The following PLEKHA7 variants were observed in gnomAD, a reference collection of about 807,000 sequenced individuals.
PLEKHA7 encodes pleckstrin homology domain-containing family A member 7.
In PLEKHA7, 104 loss-of-function variants were observed where a neutral mutation model predicts 170.0. The ratio of observed to expected loss-of-function variants is 0.61; its 90% CI spans 0.52 to 0.72. PLEKHA7 has a LOEUF of 0.72. Ranked by LOEUF, PLEKHA7 falls within the 30% of genes least tolerant of loss-of-function variation. The pLI is 0.00. For missense variants in PLEKHA7, 1,615 were observed against 1,671.7 expected (o/e 0.97, Z 0.59); for synonymous variants, 648 against 660.8 (o/e 0.98, Z 0.30).
intron 3 of PLEKHA7, among the ~76,000 whole-genome samples, chr11:16,892,420 G>GTTTTGTTT (rs1280825111): frequency 1.3e-5 from 1 of 78,776 alleles, no homozygotes; most frequent in Non-Finnish European, 3.3e-5. Flanking sequence ...GTGTGTGTGT[G>GTTTTGTTT]TGTGTGTGTG....
At chr11:16,866,954 AG>A (rs1439830050) in intron 4 of PLEKHA7, among the ~76,000 whole-genome samples, 1 of 152,218 alleles carries the variant, frequency 6.6e-6, no homozygotes, top group Non-Finnish European at 1.5e-5. Flanking sequence ...ATAATGCCCT[AG>A]GAGAAGTCAC....
At chr11:16,981,309 C>A (rs1450061207) in intron 3 of PLEKHA7, among the ~76,000 whole-genome samples, 1 of 152,152 alleles carries the variant, frequency 6.6e-6, no homozygotes, top group Non-Finnish European at 1.5e-5. Context: ...CGAGTAGACA[C>A]TAGTATTATC....
chr11:16,888,396 G>A (rs902207209), intron 3 of PLEKHA7, among the ~76,000 whole-genome samples: 59 of 152,364 alleles, frequency 3.9e-4, no homozygotes, highest in Non-Finnish European at 7.1e-4. Flanking sequence ...GTTTTGTTGA[G>A]TAGACGGGGG....
At chr11:16,839,383 T>C (rs1025018637) in intron 9 of PLEKHA7, among the ~76,000 whole-genome samples, 2 of 150,814 alleles carry the variant, frequency 1.3e-5, no homozygotes, top group African/African-American at 2.4e-5. Flanking sequence ...TTTTTGCATT[T>C]TTATATTTAG....
At chr11:16,863,102 G>C (rs1213870220) in intron 4 of PLEKHA7, among the ~76,000 whole-genome samples, 1 of 152,098 alleles carries the variant, frequency 6.6e-6, no homozygotes, top group African/African-American at 2.4e-5. Context: ...AGAAGGAATA[G>C]GAGACAGCCA....
At chr11:16,855,532 G>A (rs1334368346) in intron 5 of PLEKHA7, 1 of 420,554 alleles carries the variant, frequency 2.4e-6, no homozygotes, top group East Asian at 4.3e-5. Flanking sequence ...CATGTAAATA[G>A]AAACGTGGCC....
At chr11:16,816,754 G>C (rs201392037) in intron 11 of PLEKHA7, 46 bp downstream of exon 11, 133 of 1,589,484 alleles carry the variant, frequency 8.4e-5, no homozygotes, top group Non-Finnish European at 1.1e-4. Flanking sequence ...AGCTCCTGGC[G>C]CCCTCATGAT....
Position 16,871,127 on chromosome 11 carries a change from CT to C in PLEKHA7, c.276del (p.Glu93LysfsTer49). 1 of 1,606,608 alleles carries C rather than the reference CT, an allele frequency of 6.2e-7. No homozygotes were observed. The highest frequency in any genetic ancestry group is 8.5e-7 in the Non-Finnish European group (1 of 1,173,416). ...FRHPVTGQFS[P>X]ENSEFILQEE... The stretch of plus-strand genomic sequence containing the variant: ...TCTTGAAGAATGAATTCACTATTTT[CT>C]GGAGAAAACTGTCCCGTCACAGGAT... On this transcript the variant is annotated frameshift_variant, in exon 4 of 27. Coordinates refer to ENST00000531066, the MANE Select transcript of PLEKHA7 (RefSeq NM_001329630.2). LOFTEE classifies it high-confidence loss of function.
chr11:16,879,080 C>T (rs1855518807), intron 3 of PLEKHA7, among the ~76,000 whole-genome samples: 1 of 152,224 alleles, frequency 6.6e-6, no homozygotes, highest in Non-Finnish European at 1.5e-5. Flanking sequence ...TAAAAACACA[C>T]AGAAGGATAA....
intron 3 of PLEKHA7, among the ~76,000 whole-genome samples, chr11:16,948,120 A>C (rs2136468757): frequency 6.6e-6 from 1 of 152,264 alleles, no homozygotes; most frequent in East Asian, 1.9e-4. Flanking sequence ...TAGAGTGTAA[A>C]AAAGGTGAGC....
intron 3 of PLEKHA7, among the ~76,000 whole-genome samples, chr11:16,954,034 A>G (rs1861556388): frequency 6.6e-6 from 1 of 152,206 alleles, no homozygotes; most frequent in Non-Finnish European, 1.5e-5. Context: ...GGGGAGTCAT[A>G]TGGAAATTTC....
chr11:16,905,689 T>C (rs1857612481), intron 3 of PLEKHA7, among the ~76,000 whole-genome samples: 1 of 152,166 alleles, frequency 6.6e-6, no homozygotes, highest in Non-Finnish European at 1.5e-5. Context: ...TTTTCAACTG[T>C]CTCTGTATTT....
chr11:16,924,743 C>CA (rs1179253567), intron 3 of PLEKHA7, among the ~76,000 whole-genome samples: 1 of 151,976 alleles, frequency 6.6e-6, no homozygotes. Flanking sequence ...TTGCCAAAGC[C>CA]AAAAAAGAAA....
chr11:16,922,393 CAG>C (rs1859163880), intron 3 of PLEKHA7, among the ~76,000 whole-genome samples: 3 of 152,160 alleles, frequency 2.0e-5, no homozygotes, highest in African/African-American at 7.2e-5. Context: ...AACTGAGACT[CAG>C]AGAAGCTGAA....
At chr11:16,955,493 G>C (rs930666424) in intron 3 of PLEKHA7, among the ~76,000 whole-genome samples, 1 of 152,190 alleles carries the variant, frequency 6.6e-6, no homozygotes, top group Non-Finnish European at 1.5e-5. Flanking sequence ...CCAGCATTTA[G>C]TATAGTGCCT....
At chr11:16,936,401 CAAAAAAAA>C (rs57104068) in intron 3 of PLEKHA7, among the ~76,000 whole-genome samples, 7 of 68,146 alleles carry the variant, frequency 1.0e-4, no homozygotes, top group Admixed American at 1.6e-4. Context: ...GACTCTGTCT[CAAAAAAAA>C]AAAAAAAAAA....
intron 3 of PLEKHA7, among the ~76,000 whole-genome samples, chr11:16,908,950 A>G (rs995688830): frequency 6.6e-6 from 1 of 152,216 alleles, no homozygotes; most frequent in African/African-American, 2.4e-5. Flanking sequence ...CACAGAAATC[A>G]GTACAACAGA....
At chr11:16,848,642 AC>A (rs1852667654) in intron 8 of PLEKHA7, among the ~76,000 whole-genome samples, 1 of 152,256 alleles carries the variant, frequency 6.6e-6, no homozygotes, top group Non-Finnish European at 1.5e-5. Context: ...ATTTCAAGAT[AC>A]CTGCAACAAC....
At chr11:16,982,410 G>A (rs1427493554) in intron 3 of PLEKHA7, among the ~76,000 whole-genome samples, 4 of 152,246 alleles carry the variant, frequency 2.6e-5, no homozygotes, top group African/African-American at 7.2e-5. Context: ...AAGGGGTGCA[G>A]GGGCTGAAAG....
Sources: allele counts gnomAD v4.1 joint callset (sites outside exome capture counted in the v4.1 genomes callset), GRCh38; gene constraint gnomAD v4.1.1; transcripts MANE v1.5; gene names NCBI Gene and HGNC (gene_info 2026-07-23, HGNC 2026-07-21).